The following NEGR1 variants were observed in gnomAD, a reference collection of about 807,000 sequenced individuals.
NEGR1 encodes neuronal growth regulator 1, also known as IgLON family member 4.
NEGR1 carries 10 observed loss-of-function variants against 40.9 expected under a neutral mutation model. The ratio of observed to expected loss-of-function variants is 0.24; its 90% CI spans 0.15 to 0.42. The LOEUF (loss-of-function observed/expected upper bound fraction) is 0.42. Among genes scored for constraint, NEGR1 ranks in the 10% least tolerant of loss-of-function variants. The pLI is 1.00. For missense variants in NEGR1, 352 were observed against 438.9 expected, an observed-to-expected ratio of 0.80 and a Z score of 1.77; for synonymous variants, 185 against 166.8, an observed-to-expected ratio of 1.11 and a Z score of -0.84.
chr1:71,882,286 G>A (rs1031743836), intron 2 of NEGR1, among the ~76,000 whole-genome samples: 2 of 151,966 alleles, frequency 1.3e-5, no homozygotes, highest in African/African-American at 2.4e-5. Flanking sequence ...TCAGTCCTGC[G>A]GAAGGCCCAG....
At chr1:72,032,336 T>C (rs1321389369) in intron 1 of NEGR1, among the ~76,000 whole-genome samples, 1 of 152,118 alleles carries the variant, frequency 6.6e-6, no homozygotes, top group Non-Finnish European at 1.5e-5. Context: ...AAGAACGTAG[T>C]GCACAGAATA....
chr1:71,884,230 T>A (rs141619310), intron 2 of NEGR1, among the ~76,000 whole-genome samples: 2,101 of 152,258 alleles, frequency 0.014, 23 homozygotes, highest in Non-Finnish European at 0.021. Context: ...GTGTTTGTTT[T>A]TTTTCCTTTA....
chr1:72,146,531 A>G (rs1238099180), intron 1 of NEGR1, among the ~76,000 whole-genome samples: 2 of 152,016 alleles, frequency 1.3e-5, no homozygotes, highest in South Asian at 2.1e-4. Flanking sequence ...TCACTTTGCA[A>G]TGGTCCCATA....
chr1:71,501,373 A>C (rs1158643103), intron 6 of NEGR1, among the ~76,000 whole-genome samples: 1 of 152,148 alleles, frequency 6.6e-6, no homozygotes, highest in Non-Finnish European at 1.5e-5. Flanking sequence ...TATTTTTAAG[A>C]TAATTTCTAA....
intron 6 of NEGR1, among the ~76,000 whole-genome samples, chr1:71,474,762 T>C (rs930189606): frequency 6.0e-5 from 7 of 115,982 alleles, no homozygotes; most frequent in South Asian, 5.7e-4. Flanking sequence ...CCAGAATAAA[T>C]AAACCATACT....
At chr1:72,102,112 A>G (rs1265039755) in intron 1 of NEGR1, among the ~76,000 whole-genome samples, 1 of 152,028 alleles carries the variant, frequency 6.6e-6, no homozygotes, top group African/African-American at 2.4e-5. Context: ...AAAACTAAAG[A>G]CACATTTAAG....
chr1:71,708,720 T>C (rs1308555078), intron 3 of NEGR1, among the ~76,000 whole-genome samples: 1 of 152,082 alleles, frequency 6.6e-6, no homozygotes, highest in Non-Finnish European at 1.5e-5. Flanking sequence ...AAGCCCAGCA[T>C]CCATTAGCTA....
At chr1:71,934,690 G>A (rs2100229476) in intron 2 of NEGR1, among the ~76,000 whole-genome samples, 1 of 152,256 alleles carries the variant, frequency 6.6e-6, no homozygotes, top group South Asian at 2.1e-4. Context: ...AAGATATGAG[G>A]TGAATCAGTT....
chr1:71,530,710 A>C (rs759872849), intron 6 of NEGR1, among the ~76,000 whole-genome samples: 4 of 151,342 alleles, frequency 2.6e-5, no homozygotes, highest in Non-Finnish European at 5.9e-5. Context: ...ATAGTTTCCA[A>C]ACATTTAACC....
chr1:71,822,088 T>C (rs1195997149), intron 2 of NEGR1, among the ~76,000 whole-genome samples: 3 of 151,942 alleles, frequency 2.0e-5, no homozygotes, highest in African/African-American at 7.2e-5. Context: ...TACTGTATGC[T>C]TGAAAGACAG....
intron 1 of NEGR1, among the ~76,000 whole-genome samples, chr1:71,999,881 T>C (rs1646542603): frequency 6.6e-6 from 1 of 151,416 alleles, no homozygotes; most frequent in South Asian, 2.1e-4. Flanking sequence ...TCCTTCGTTT[T>C]AATTGGACTG....
intron 5 of NEGR1, among the ~76,000 whole-genome samples, chr1:71,597,023 A>G (rs1372599463): frequency 6.6e-6 from 1 of 152,184 alleles, no homozygotes; most frequent in African/African-American, 2.4e-5. Flanking sequence ...TGGTGGGGGA[A>G]GTTAACCCTT....
intron 6 of NEGR1, chr1:71,461,879 T>C (rs1052126088): frequency 1.3e-5 from 2 of 152,198 alleles, no homozygotes; most frequent in African/African-American, 2.4e-5. Context: ...ATAACTCTTA[T>C]GTAATCTTCA....
At chr1:71,500,038 T>A (rs11810528) in intron 6 of NEGR1, among the ~76,000 whole-genome samples, 1,974 of 152,172 alleles carry the variant, frequency 0.013, 48 homozygotes, top group African/African-American at 0.045. Flanking sequence ...ATGGAGGATA[T>A]TTTATGAATT....
rs1653517923 is a variant in NEGR1 at position 72,209,385 on chromosome 1, C to T, written c.176+72934G>A. ...TATTTCTAATATCAGTGCCATTTTT[C>T]AGACTCCAGCAATATGATTCTAATT... On this transcript the variant is annotated intron_variant, in intron 1 of 6. Transcript: ENST00000357731. 2.0e-5 allele frequency among the ~76,000 whole-genome samples: 3 copies of T among 151,562 alleles called. No individual in the cohort carries two copies. In the South Asian group the frequency reaches 6.2e-4, roughly 31 times the overall value.
chr1:71,534,458 C>T (rs779170026), intron 6 of NEGR1, among the ~76,000 whole-genome samples: 9 of 151,772 alleles, frequency 5.9e-5, no homozygotes, highest in Non-Finnish European at 8.9e-5. Context: ...GCCTAGCTGA[C>T]AGCCAACAGG....
At position 71,550,543 on chromosome 1, in the gene NEGR1, A is replaced by G. The variant is rs557893860; in HGVS notation, c.940+42274T>C. ...GGGACACTAGGATCACAGATATAGA[A>G]CATCCACACTCTCATTCAGGCTGTA... On this transcript the variant is annotated intron_variant, in intron 6 of 6. Transcript: ENST00000357731. 2.0e-5 allele frequency among the ~76,000 whole-genome samples: 3 copies of G among 151,560 alleles called. No individual in the cohort carries two copies. The South Asian group carries it at 6.2e-4, about 32-fold the overall frequency.
chr1:71,908,600 GTAA>G (rs1661342959), intron 2 of NEGR1, among the ~76,000 whole-genome samples: 1 of 152,158 alleles, frequency 6.6e-6, no homozygotes, highest in African/African-American at 2.4e-5. Context: ...AAAACATACT[GTAA>G]ACTTAGATTC....
intron 1 of NEGR1, among the ~76,000 whole-genome samples, chr1:72,183,939 G>A (rs949774494): frequency 6.6e-6 from 1 of 152,028 alleles, no homozygotes; most frequent in African/African-American, 2.4e-5. Flanking sequence ...CAAACAGAAA[G>A]ATTAGCATGA....
Sources: gnomAD v4.1 joint callset for allele counts (sites outside exome capture counted in the v4.1 genomes callset) on GRCh38, gnomAD v4.1.1 for gene constraint, MANE v1.5 for transcripts, NCBI Gene and HGNC (gene_info 2026-07-23, HGNC 2026-07-21) for gene names.